The following ANKS1B variants were observed in gnomAD, a reference collection of about 807,000 sequenced individuals.
ANKS1B encodes the protein ankyrin repeat and sterile alpha motif domain containing 1B.
ANKS1B carries 36 observed loss-of-function variants against 148.3 expected under a neutral mutation model. That is an observed-to-expected ratio of 0.24 (90% CI 0.19 to 0.32). The LOEUF (loss-of-function observed/expected upper bound fraction) is 0.32. Ranked by LOEUF, ANKS1B falls within the 10% of genes least tolerant of loss-of-function variation. The probability of loss-of-function intolerance (pLI) is 1.00; values close to 1 mark genes in which losing one functional copy is unlikely to be tolerated. For synonymous variants in ANKS1B, 542 were observed against 560.8 expected, an observed-to-expected ratio of 0.97 and a Z score of 0.47; for missense variants, 1,157 against 1,542.6, an observed-to-expected ratio of 0.75 and a Z score of 4.19.
At chr12:99,774,514 C>T (rs2063477418) in intron 7 of ANKS1B, among the ~76,000 whole-genome samples, 1 of 151,990 alleles carries the variant, frequency 6.6e-6, no homozygotes, top group African/African-American at 2.4e-5. Flanking sequence ...AGAAAGGGAA[C>T]CCTGTATGCT....
At chr12:99,418,687 A>G (rs1469587495) in intron 11 of ANKS1B, among the ~76,000 whole-genome samples, 1 of 152,150 alleles carries the variant, frequency 6.6e-6, no homozygotes, top group Non-Finnish European at 1.5e-5. Context: ...ATGTTGAGTG[A>G]CAGTGGTGAG....
At chr12:99,747,784 T>C (rs1014518360) in intron 8 of ANKS1B, among the ~76,000 whole-genome samples, 7 of 152,114 alleles carry the variant, frequency 4.6e-5, no homozygotes, top group African/African-American at 1.4e-4. Context: ...CCTTTCAAAA[T>C]TGGATTGCTA....
chr12:99,712,715 A>G (rs2056802471), intron 8 of ANKS1B, among the ~76,000 whole-genome samples: 1 of 152,206 alleles, frequency 6.6e-6, no homozygotes, highest in South Asian at 2.1e-4. Flanking sequence ...ATGGTGGCAC[A>G]GGCATAAGAT....
Position 99,690,772 on chromosome 12 carries a change from T to G in ANKS1B, c.1129-35562A>C, listed in dbSNP as rs968986229. Among the ~76,000 whole-genome samples, 3 of 152,152 alleles carry G rather than the reference T, an allele frequency of 2.0e-5. No homozygotes were observed. In the South Asian group the frequency reaches 6.2e-4, roughly 31 times the overall value. On this transcript the variant is annotated intron_variant, in intron 8 of 26. Transcript: ENST00000683438. The stretch of plus-strand genomic sequence containing the variant: ...GTCTGCCGGTTTTCCAGGTGCACAG[T>G]GCAAGCTGTAAGTGGATCTATGATT...
intron 8 of ANKS1B, among the ~76,000 whole-genome samples, chr12:99,666,683 T>C (rs186502372): frequency 7.8e-4 from 119 of 152,230 alleles, no homozygotes; most frequent in Non-Finnish European, 1.2e-3. Context: ...ATCTTTCAAA[T>C]GGTATTATTA....
intron 10 of ANKS1B, among the ~76,000 whole-genome samples, chr12:99,484,768 T>TTTTTTG (rs904241821): frequency 4.0e-5 from 6 of 148,944 alleles, no homozygotes; most frequent in South Asian, 2.2e-4. Context: ...GTGTGTGTTT[T>TTTTTTG]TTTTTTTTTT....
intron 15 of ANKS1B, among the ~76,000 whole-genome samples, chr12:99,094,136 G>A (rs1220875836): frequency 1.3e-5 from 2 of 152,164 alleles, no homozygotes; most frequent in Non-Finnish European, 2.9e-5. Flanking sequence ...TTATGTGCCA[G>A]GCACTGGGCT....
At chr12:98,950,164 C>A (rs1182061321) in intron 17 of ANKS1B, among the ~76,000 whole-genome samples, 1 of 152,216 alleles carries the variant, frequency 6.6e-6, no homozygotes, top group Non-Finnish European at 1.5e-5. Context: ...GGTTCAACCA[C>A]ATAATGACGC....
intron 10 of ANKS1B, among the ~76,000 whole-genome samples, chr12:99,445,019 A>G (rs764727723): frequency 4.6e-5 from 7 of 152,088 alleles, no homozygotes; most frequent in Non-Finnish European, 8.8e-5. Flanking sequence ...AAATTCAAGT[A>G]TGACACATAG....
At chr12:99,721,848 C>T (rs960638264) in intron 8 of ANKS1B, among the ~76,000 whole-genome samples, 12 of 152,224 alleles carry the variant, frequency 7.9e-5, no homozygotes, top group African/African-American at 2.6e-4. Flanking sequence ...GTTGTGAATG[C>T]AAAGGAAAAG....
chr12:99,635,308 A>T (rs1033599453), intron 9 of ANKS1B, among the ~76,000 whole-genome samples: 2 of 152,178 alleles, frequency 1.3e-5, no homozygotes, highest in African/African-American at 4.8e-5. Flanking sequence ...CCAAACCCAT[A>T]TTATAGAAGC....
At chr12:98,838,834 G>C (rs1254208879) in intron 17 of ANKS1B, among the ~76,000 whole-genome samples, 1 of 152,186 alleles carries the variant, frequency 6.6e-6, no homozygotes, top group Admixed American at 6.5e-5. Flanking sequence ...AGTTGCGGTG[G>C]AAACTGATCT....
At chr12:98,757,443 G>A (rs563377665) in intron 25 of ANKS1B, among the ~76,000 whole-genome samples, 2 of 152,330 alleles carry the variant, frequency 1.3e-5, no homozygotes, top group South Asian at 2.1e-4. Flanking sequence ...AACACCATGC[G>A]ATGCTGCAGA....
chr12:99,042,735 A>C (rs1292943393), intron 17 of ANKS1B, among the ~76,000 whole-genome samples: 1 of 152,208 alleles, frequency 6.6e-6, no homozygotes, highest in African/African-American at 2.4e-5. Context: ...TCCTGACAAC[A>C]ATATCTAGCA....
chr12:98,807,659 T>C (rs180895043), intron 20 of ANKS1B, among the ~76,000 whole-genome samples, 185 bp downstream of exon 20: 14 of 152,290 alleles, frequency 9.2e-5, no homozygotes, highest in Admixed American at 9.2e-4. Context: ...TTTAGGACAA[T>C]GTTTGCACAT....
At chr12:99,159,278 C>T (rs1020011717) in intron 14 of ANKS1B, among the ~76,000 whole-genome samples, 5 of 152,098 alleles carry the variant, frequency 3.3e-5, no homozygotes, top group Admixed American at 2.0e-4. Flanking sequence ...TTGCCACGTG[C>T]GTATATTGTG....
At chr12:99,127,339 C>A (rs1566272045) in intron 15 of ANKS1B, among the ~76,000 whole-genome samples, 1 of 149,254 alleles carries the variant, frequency 6.7e-6, no homozygotes, top group Non-Finnish European at 1.5e-5. Context: ...TGCCCGATTA[C>A]TTTTTTTTTT....
intron 1 of ANKS1B, among the ~76,000 whole-genome samples, chr12:99,939,798 T>C (rs2094874729): frequency 6.6e-6 from 1 of 152,182 alleles, no homozygotes; most frequent in Non-Finnish European, 1.5e-5. Flanking sequence ...AGATAAGACA[T>C]AATCCTAGAG....
intron 2 of ANKS1B, among the ~76,000 whole-genome samples, chr12:99,822,595 A>G (rs2082648548): frequency 6.6e-6 from 1 of 152,170 alleles, no homozygotes; most frequent in African/African-American, 2.4e-5. Flanking sequence ...TTCTAGCTGC[A>G]TCTGTTGTTG....
Sources: allele counts gnomAD v4.1 joint callset (sites outside exome capture counted in the v4.1 genomes callset), GRCh38; gene constraint gnomAD v4.1.1; transcripts MANE v1.5; gene names NCBI Gene and HGNC (gene_info 2026-07-23, HGNC 2026-07-21).